The following PIK3R3 variants were observed in gnomAD, a reference collection of about 807,000 sequenced individuals.
PIK3R3 encodes the protein phosphoinositide-3-kinase regulatory subunit 3.
PIK3R3 carries 64 observed loss-of-function variants against 62.9 expected under a neutral mutation model. The observed-to-expected ratio is 1.02, with a 90% CI of 0.83 to 1.25. PIK3R3 has a LOEUF of 1.25. Among genes scored for constraint, PIK3R3 ranks in the 50% most tolerant of loss-of-function variants. The pLI is 0.00. For synonymous variants in PIK3R3, 165 were observed against 189.0 expected (o/e 0.87, Z 1.04); for missense variants, 614 against 561.6 (o/e 1.09, Z -0.94).
chr1:46,111,415 G>T (rs1380205640), intron 1 of PIK3R3, among the ~76,000 whole-genome samples: 1 of 151,874 alleles, frequency 6.6e-6, no homozygotes, highest in African/African-American at 2.4e-5. Context: ...GGGTAAGAAG[G>T]GGAATATAAT....
chr1:46,167,423 A>G, the PIK3R3 span, among the ~76,000 whole-genome samples: 1 of 151,560 alleles, frequency 6.6e-6, no homozygotes, highest in South Asian at 2.1e-4. Context: ...AGGCGCAGCT[A>G]GCTAGGTGAG....
intron 3 of PIK3R3, among the ~76,000 whole-genome samples, chr1:46,072,952 T>C (rs1010544157): frequency 1.2e-5 from 1 of 84,788 alleles, no homozygotes; most frequent in African/African-American, 3.7e-5. Context: ...AATACAAATA[T>C]AAATAAATAT....
At chr1:46,117,512 A>C (rs1455072869) in intron 1 of PIK3R3, among the ~76,000 whole-genome samples, 1 of 152,186 alleles carries the variant, frequency 6.6e-6, no homozygotes, top group Non-Finnish European at 1.5e-5. Flanking sequence ...ACAAGCTTTC[A>C]TCAAACAACT....
intron 1 of PIK3R3, among the ~76,000 whole-genome samples, chr1:46,130,564 G>GAAAA (rs66538782): frequency 6.8e-6 from 1 of 147,742 alleles, no homozygotes; most frequent in Non-Finnish European, 1.5e-5. Context: ...CTGACTAATT[G>GAAAA]AAAAAAAAAA....
intron 1 of PIK3R3, among the ~76,000 whole-genome samples, chr1:46,126,300 G>A (rs1457596152): frequency 6.7e-6 from 1 of 149,924 alleles, no homozygotes; most frequent in African/African-American, 2.4e-5. Context: ...CACTTTGGGA[G>A]GCCGACTCGG....
At chr1:46,052,522 T>A (rs1647452848) in intron 7 of PIK3R3, among the ~76,000 whole-genome samples, 1 of 152,190 alleles carries the variant, frequency 6.6e-6, no homozygotes. Context: ...ATCTTAAGTG[T>A]ACTGATAAAT....
intron 1 of PIK3R3, among the ~76,000 whole-genome samples, chr1:46,092,065 C>T (rs1288616372): frequency 1.3e-5 from 2 of 152,132 alleles, no homozygotes; most frequent in East Asian, 3.9e-4. Context: ...CTCACCTGTC[C>T]TATCCACCCT....
intron 3 of PIK3R3, among the ~76,000 whole-genome samples, chr1:46,071,759 A>AGAGAGAGAGAGAGAGAGAGAGCGAGC: frequency 1.0e-5 from 1 of 100,128 alleles, no homozygotes; most frequent in East Asian, 2.5e-4. Context: ...AGAGAGAGAG[A>AGAGAGAGAGAGAGAGAGAGAGCGAGC]GCGCGCGCCT....
chr1:46,097,067 T>G (rs1020619747), intron 1 of PIK3R3, among the ~76,000 whole-genome samples: 1 of 150,914 alleles, frequency 6.6e-6, no homozygotes, highest in Non-Finnish European at 1.5e-5. Flanking sequence ...AACAAAATAC[T>G]AGCAAACCAA....
chr1:46,089,538 AC>A, intron 1 of PIK3R3, among the ~76,000 whole-genome samples: 1 of 152,200 alleles, frequency 6.6e-6, no homozygotes, highest in Middle Eastern at 3.4e-3. Flanking sequence ...ACACAGTGAA[AC>A]CCCATCTCTA....
At position 46,132,261 on chromosome 1, in the gene PIK3R3, C is replaced by G. The variant is rs1176934077; in HGVS notation, c.-309G>C. ...TTCCCAAAAATCCTTTCTACACAGT[C>G]GCTCTCCGGGGAGAAAAGCTCCCAC... is the stretch of plus-strand genomic sequence containing the variant. On this transcript the variant is annotated 5_prime_UTR_variant, in exon 1 of 10. Transcript: ENST00000262741. 1 of 1,138,198 alleles carries G rather than the reference C, an allele frequency of 8.8e-7. No individual in the cohort carries two copies. The highest frequency in any genetic ancestry group is 1.6e-5 in the African/African-American group (1 of 61,496). The allele number at this position is 1,138,198 out of a possible 1,614,324, so 70.5% of individuals were successfully genotyped here. A position where few individuals can be genotyped will look rare whatever the true frequency, so the allele number is the denominator to read the frequency against.
At chr1:46,155,772 A>T in the PIK3R3 span, among the ~76,000 whole-genome samples, 8 of 152,228 alleles carry the variant, frequency 5.3e-5, no homozygotes, top group East Asian at 1.9e-4. Flanking sequence ...TAATTTTTTT[A>T]AAAAATTTTA....
At chr1:46,138,282 GTCTCAAATCTAAAAACCATTTTATACGTT>G in the PIK3R3 span, among the ~76,000 whole-genome samples, 5 of 152,182 alleles carry the variant, frequency 3.3e-5, no homozygotes, top group Non-Finnish European at 5.9e-5. Context: ...AATTCCACAG[GTCTCAAATCTAAAAACCATTTTATACGTT>G]TCATTGTTAG....
Position 46,087,507 on chromosome 1 carries a change from A to AT in PIK3R3, c.107-6758dup, listed in dbSNP as rs376650465. ...TATACCCCCAGTCAGGAGTTGGGAG[A>AT]TTTTTTCCACAGAAACTGACAGGAC... On this transcript the variant is annotated intron_variant, in intron 1 of 9. Transcript: ENST00000262741. Among the ~76,000 whole-genome samples the AT allele has an allele frequency of 1.3e-3, 199 of 150,530 alleles. 1 individual carries two copies. The highest frequency in any genetic ancestry group is 4.6e-3 in the African/African-American group (188 of 41,144).
the PIK3R3 span, among the ~76,000 whole-genome samples, chr1:46,146,048 A>C: frequency 1.1e-3 from 175 of 152,330 alleles, 1 homozygote; most frequent in African/African-American, 3.9e-3. Flanking sequence ...CCCTCTAGAC[A>C]TGGGGCCCAG....
At chr1:46,164,214 T>C in the PIK3R3 span, among the ~76,000 whole-genome samples, 1 of 152,184 alleles carries the variant, frequency 6.6e-6, no homozygotes, top group Non-Finnish European at 1.5e-5. Context: ...CCAAATATGT[T>C]ATTCTTCCTG....
At chr1:46,162,665 AGGCT>A in the PIK3R3 span, among the ~76,000 whole-genome samples, 3 of 152,108 alleles carry the variant, frequency 2.0e-5, no homozygotes, top group Non-Finnish European at 4.4e-5. Flanking sequence ...TCTGTCGCCC[AGGCT>A]GGAGTACAGT....
rs1431134635 is a variant in PIK3R3 at position 46,065,353 on chromosome 1, A to G, written c.621+701T>C. Among the ~76,000 whole-genome samples the G allele has an allele frequency of 2.0e-5, 3 of 152,252 alleles. No homozygotes were observed. The East Asian group carries it at 5.8e-4, about 29-fold the overall frequency. On this transcript the variant is annotated intron_variant, in intron 5 of 9. Transcript: ENST00000262741. ...AATTTTGCTCTATATCATAAATATG[A>G]AAAGTATTACTGGCTATTAAAGTTA...
chr1:46,092,406 C>G (rs1467787325), intron 1 of PIK3R3, among the ~76,000 whole-genome samples: 2 of 152,188 alleles, frequency 1.3e-5, no homozygotes, highest in African/African-American at 4.8e-5. Context: ...CTCTGTCGCC[C>G]AGGCTGGAGT....
Sources: gnomAD v4.1 joint callset for allele counts (sites outside exome capture counted in the v4.1 genomes callset) on GRCh38, gnomAD v4.1.1 for gene constraint, MANE v1.5 for transcripts, NCBI Gene and HGNC (gene_info 2026-07-23, HGNC 2026-07-21) for gene names.